OR14A2: variants seen among roughly 807,000 people sequenced by gnomAD.
OR14A2 encodes olfactory receptor family 14 subfamily A member 2.
For missense variants in OR14A2, 237 were observed against 152.9 expected (o/e 1.55, Z -2.90); for synonymous variants, 114 against 58.6 (o/e 1.95, Z -4.32).
chr1:247,732,113 A>G, the OR14A2 span, among the ~76,000 whole-genome samples: 4 of 152,052 alleles, frequency 2.6e-5, no homozygotes, highest in South Asian at 4.1e-4. Context: ...CTTTCTGTGC[A>G]TGTGTGATTC....
upstream of OR14A2, among the ~76,000 whole-genome samples, chr1:247,725,486 T>TGA (rs1197406851): frequency 8.7e-6 from 1 of 115,354 alleles, no homozygotes; most frequent in Non-Finnish European, 1.7e-5. Context: ...TCTACAAGAT[T>TGA]TTATTTATTT....
At chr1:247,734,988 C>T in the OR14A2 span, among the ~76,000 whole-genome samples, 1 of 152,152 alleles carries the variant, frequency 6.6e-6, no homozygotes. Flanking sequence ...TACCTCATCC[C>T]AACCCTGGAG....
At chr1:247,742,975 T>C in the OR14A2 span, among the ~76,000 whole-genome samples, 1 of 152,200 alleles carries the variant, frequency 6.6e-6, no homozygotes, top group East Asian at 1.9e-4. Flanking sequence ...TGAAATATAA[T>C]TCGTATAACT....
At chr1:247,727,623 T>G (rs1047471143), upstream of OR14A2, among the ~76,000 whole-genome samples, 80 of 148,272 alleles carry the variant, frequency 5.4e-4, no homozygotes, top group Non-Finnish European at 1.0e-3. Flanking sequence ...AAAAAATTAA[T>G]GAATCCAGGA....
chr1:247,737,817 A>C, the OR14A2 span, among the ~76,000 whole-genome samples: 1 of 152,168 alleles, frequency 6.6e-6, no homozygotes, highest in Admixed American at 6.5e-5. Context: ...TGTCTATCAC[A>C]TAAGAGGACA....
At chr1:247,738,862 C>T in the OR14A2 span, 1 of 780,828 alleles carries the variant, frequency 1.3e-6, no homozygotes. Context: ...ATCCTCAACT[C>T]TGTCGCCTCC....
At chr1:247,744,984 G>A in the OR14A2 span, among the ~76,000 whole-genome samples, 3 of 152,156 alleles carry the variant, frequency 2.0e-5, no homozygotes, top group Non-Finnish European at 4.4e-5. This position sits in a 1 kb window ranked among gnomAD's most constrained non-coding sequence, Gnocchi z 4.3. Flanking sequence ...TGTCAGTCTA[G>A]AGCCCATGCA....
chr1:247,742,263 A>C, the OR14A2 span, among the ~76,000 whole-genome samples: 1 of 152,162 alleles, frequency 6.6e-6, no homozygotes, highest in African/African-American at 2.4e-5. Flanking sequence ...TTTTGTTGAG[A>C]TAATACACAC....
upstream of OR14A2, among the ~76,000 whole-genome samples, chr1:247,727,431 G>C (rs1476998886): frequency 2.0e-5 from 3 of 151,964 alleles, no homozygotes; most frequent in African/African-American, 7.3e-5. Flanking sequence ...AGGAGATTTT[G>C]GGCTGAGACA....
the OR14A2 span, among the ~76,000 whole-genome samples, chr1:247,747,731 A>C: frequency 2.6e-5 from 4 of 152,192 alleles, no homozygotes; most frequent in Non-Finnish European, 5.9e-5. Flanking sequence ...AAGTGCAGCA[A>C]GAATGATGAT....
chr1:247,746,131 T>C, the OR14A2 span: 3 of 152,238 alleles, frequency 2.0e-5, no homozygotes, highest in South Asian at 6.2e-4. Flanking sequence ...TTTTCCAAAC[T>C]TTTTCTGTCC....
At chr1:247,743,659 G>T in the OR14A2 span, among the ~76,000 whole-genome samples, 4 of 152,060 alleles carry the variant, frequency 2.6e-5, no homozygotes, top group African/African-American at 7.2e-5. Flanking sequence ...TTTGTGTGTT[G>T]CCTCTTCAAG....
chr1:247,743,864 T>C, the OR14A2 span, among the ~76,000 whole-genome samples: 2 of 152,218 alleles, frequency 1.3e-5, no homozygotes, highest in African/African-American at 4.8e-5. Flanking sequence ...TTCTGTTTCA[T>C]TGAAGGTTTA....
the OR14A2 span, among the ~76,000 whole-genome samples, chr1:247,737,931 G>T: frequency 4.6e-5 from 7 of 151,954 alleles, no homozygotes; most frequent in Non-Finnish European, 1.0e-4. Flanking sequence ...CTAAGTCTCA[G>T]GTTTTTGTTC....
chr1:247,723,904 A>T, exon 1 of OR14A2: 1 of 717,404 alleles, frequency 1.4e-6, no homozygotes, highest in East Asian at 2.7e-5. Context: ...GTCCAGGGTA[A>T]TGAGAGTAAT....
At chr1:247,726,541 A>G, upstream of OR14A2, among the ~76,000 whole-genome samples, 1 of 90,646 alleles carries the variant, frequency 1.1e-5, no homozygotes, top group African/African-American at 5.2e-5. Context: ...GTTTAATTAG[A>G]TCCCATTTGT....
the OR14A2 span, among the ~76,000 whole-genome samples, chr1:247,744,137 C>G: frequency 7.3e-3 from 1,111 of 152,216 alleles, 5 homozygotes; most frequent in Non-Finnish European, 0.013. The surrounding 1 kb of genome is among the most constrained non-coding windows in gnomAD (Gnocchi z 4.3). Flanking sequence ...TATGCCTGAA[C>G]AAATACCGTA....
the OR14A2 span, among the ~76,000 whole-genome samples, chr1:247,741,900 T>C: frequency 6.6e-6 from 1 of 152,190 alleles, no homozygotes; most frequent in South Asian, 2.1e-4. Context: ...ACCACAATGA[T>C]TGAGAACCCT....
At chr1:247,732,406 A>T in the OR14A2 span, among the ~76,000 whole-genome samples, 1 of 152,056 alleles carries the variant, frequency 6.6e-6, no homozygotes, top group South Asian at 2.1e-4. Context: ...GTGAACAGAA[A>T]CCTTTGGCCA....
Sources: allele counts gnomAD v4.1 joint callset (sites outside exome capture counted in the v4.1 genomes callset), GRCh38; gene constraint gnomAD v4.1.1; non-coding constraint Gnocchi (gnomAD v3.1); transcripts MANE v1.5; gene names NCBI Gene and HGNC (gene_info 2026-07-23, HGNC 2026-07-21).